The following ANO2 variants were observed in gnomAD, a reference collection of about 807,000 sequenced individuals.
ANO2 encodes the protein anoctamin-2.
ANO2 carries 101 observed loss-of-function variants against 124.2 expected under a neutral mutation model. That is an observed-to-expected ratio of 0.81 (90% CI 0.69 to 0.96). The LOEUF is 0.96. Among genes scored for constraint, ANO2 ranks in the 40% least tolerant of loss-of-function variants. ANO2 has a pLI of 0.00. For synonymous variants in ANO2, 486 were observed against 482.5 expected (o/e 1.01, Z -0.09); for missense variants, 1,293 against 1,274.5 (o/e 1.01, Z -0.22).
At chr12:5,870,648 TCTA>T (rs376503355) in intron 3 of ANO2, among the ~76,000 whole-genome samples, 7 of 152,214 alleles carry the variant, frequency 4.6e-5, no homozygotes, top group African/African-American at 1.7e-4. Flanking sequence ...ATTTCCACCA[TCTA>T]AATAGAACTG....
At chr12:5,790,774 T>C (rs952305787) in intron 10 of ANO2, among the ~76,000 whole-genome samples, 1 of 152,110 alleles carries the variant, frequency 6.6e-6, no homozygotes, top group African/African-American at 2.4e-5. Context: ...CAAGCTCCCA[T>C]TTTCCCCCTT....
intron 14 of ANO2, among the ~76,000 whole-genome samples, chr12:5,652,227 G>GTA (rs1304927292): frequency 6.6e-6 from 1 of 152,006 alleles, no homozygotes; most frequent in Non-Finnish European, 1.5e-5. Flanking sequence ...ATAAGATATG[G>GTA]TATTTCCTTC....
At chr12:5,585,834 T>G (rs1415377693) in intron 20 of ANO2, among the ~76,000 whole-genome samples, 1 of 152,232 alleles carries the variant, frequency 6.6e-6, no homozygotes, top group African/African-American at 2.4e-5. Flanking sequence ...TTTGCTTTAT[T>G]CTTTCTCCTC....
At chr12:5,577,028 C>A (rs1006594362) in intron 22 of ANO2, among the ~76,000 whole-genome samples, 2 of 152,226 alleles carry the variant, frequency 1.3e-5, no homozygotes, top group African/African-American at 4.8e-5. Flanking sequence ...TAAGACTGCA[C>A]GTCATTTCGT....
At chr12:5,821,122 G>T (rs889269866) in intron 7 of ANO2, among the ~76,000 whole-genome samples, 10 of 152,212 alleles carry the variant, frequency 6.6e-5, no homozygotes, top group African/African-American at 2.2e-4. Flanking sequence ...ATGCTGACTG[G>T]ATCCAGTGAG....
At chr12:5,873,958 G>C (rs1937917969) in intron 3 of ANO2, among the ~76,000 whole-genome samples, 1 of 152,208 alleles carries the variant, frequency 6.6e-6, no homozygotes, top group African/African-American at 2.4e-5. Flanking sequence ...GAGACGCGCA[G>C]AGAAGCCCAG....
At chr12:5,885,610 G>C (rs545890539) in intron 3 of ANO2, among the ~76,000 whole-genome samples, 3 of 152,252 alleles carry the variant, frequency 2.0e-5, no homozygotes, top group Non-Finnish European at 4.4e-5. Flanking sequence ...TCCCAGAGTG[G>C]CAGAGTCAAG....
chr12:5,728,764 G>C (rs776726171), intron 14 of ANO2, among the ~76,000 whole-genome samples: 1 of 152,152 alleles, frequency 6.6e-6, no homozygotes, highest in Admixed American at 6.5e-5. Flanking sequence ...CAGCAGTCAA[G>C]ATAGGGTGGT....
At chr12:5,672,497 C>T (rs910547358) in intron 14 of ANO2, among the ~76,000 whole-genome samples, 6 of 152,210 alleles carry the variant, frequency 3.9e-5, no homozygotes, top group Admixed American at 6.5e-5. Context: ...CAAATGTCTC[C>T]TTCAGTTCAC....
intron 19 of ANO2, among the ~76,000 whole-genome samples, chr12:5,602,052 G>C (rs1376608011): frequency 6.6e-6 from 1 of 152,170 alleles, no homozygotes; most frequent in Non-Finnish European, 1.5e-5. Context: ...ATGTTGCCTA[G>C]GTGACTAGCA....
chr12:5,624,960 A>C (rs1945321611), intron 16 of ANO2, among the ~76,000 whole-genome samples: 1 of 152,154 alleles, frequency 6.6e-6, no homozygotes, highest in African/African-American at 2.4e-5. Flanking sequence ...CAGCCTGGGC[A>C]AAGTCTTGAT....
chr12:5,833,178 AGTTTGC>A (rs1390380891), intron 4 of ANO2, among the ~76,000 whole-genome samples: 2 of 152,208 alleles, frequency 1.3e-5, no homozygotes, highest in African/African-American at 4.8e-5. Flanking sequence ...TGTTTAAATG[AGTTTGC>A]TTTCAAAGTA....
rs182161385 is a variant in ANO2, at chr12:5,916,763, C to T, written c.534+4277G>A. On this transcript the variant is annotated intron_variant, in intron 3 of 24. Transcript: ENST00000682330. ...AAACACTGTATCTTTTCCAGAACGA[C>T]GATGCCTTGGAATGACTGCCTGCGA... Among the ~76,000 whole-genome samples, 103 of 150,804 alleles carry T rather than the reference C, an allele frequency of 6.8e-4. 1 individual carries two copies. The highest frequency in any genetic ancestry group is 2.3e-3 in the African/African-American group (95 of 41,146).
chr12:5,906,348 A>T (rs1170232892), intron 3 of ANO2, among the ~76,000 whole-genome samples: 1 of 63,272 alleles, frequency 1.6e-5, no homozygotes, highest in East Asian at 3.7e-4. Flanking sequence ...ACACATTGTT[A>T]AAAAAAAAAA....
At chr12:5,705,815 T>C (rs1949585800) in intron 14 of ANO2, among the ~76,000 whole-genome samples, 1 of 152,218 alleles carries the variant, frequency 6.6e-6, no homozygotes. Context: ...GACAATCTCC[T>C]CTACCCAGCT....
intron 14 of ANO2, among the ~76,000 whole-genome samples, chr12:5,731,852 ACAAGTAGCTTGAG>A (rs1270437042): frequency 6.6e-6 from 1 of 152,166 alleles, no homozygotes; most frequent in Non-Finnish European, 1.5e-5. Context: ...GGAACATTGC[ACAAGTAGCTTGAG>A]CAAATACAGG....
chr12:5,744,000 A>T lies in ANO2; in HGVS notation c.1351+157T>A, dbSNP rs1392886348. 3.9e-5 allele frequency among the ~76,000 whole-genome samples: 6 copies of T among 152,246 alleles called. No individual in the cohort carries two copies. The East Asian group carries it at 1.2e-3, about 29-fold the overall frequency. On this transcript the variant is annotated intron_variant, in intron 12 of 24. Coordinates refer to ENST00000682330, the MANE Select transcript of ANO2 (RefSeq NM_001364791.2). ...ATTCCTGTTTCTATTCACACATATG[A>T]GTAAAGAAAAGAAAAGTGTCATCCT...
chr12:5,898,927 A>G (rs1939984377), intron 3 of ANO2, among the ~76,000 whole-genome samples: 1 of 152,232 alleles, frequency 6.6e-6, no homozygotes, highest in Non-Finnish European at 1.5e-5. Context: ...GCCTAGCTAT[A>G]AAGGAGAGGA....
chr12:5,838,536 G>A (rs983118124), intron 4 of ANO2, among the ~76,000 whole-genome samples: 3 of 152,126 alleles, frequency 2.0e-5, no homozygotes, highest in Admixed American at 6.5e-5. Flanking sequence ...GTCTTGAGGC[G>A]AGGGACCTGC....
Sources: gnomAD v4.1 joint callset for allele counts (sites outside exome capture counted in the v4.1 genomes callset) on GRCh38, gnomAD v4.1.1 for gene constraint, MANE v1.5 for transcripts, NCBI Gene and HGNC (gene_info 2026-07-23, HGNC 2026-07-21) for gene names.